Variants in CCT2 observed in about 807,000 individuals in gnomAD.
The protein encoded by CCT2 is chaperonin containing TCP1 subunit 2, also known as T-complex protein 1 subunit beta.
Under a neutral mutation model 61.8 loss-of-function variants are expected in CCT2, and 18 were observed. The observed-to-expected ratio is 0.29, with a 90% CI of 0.20 to 0.43. The LOEUF (loss-of-function observed/expected upper bound fraction) is 0.43, where lower values mean the gene tolerates loss of function less well. Among genes scored for constraint, CCT2 ranks in the 20% least tolerant of loss-of-function variants. The pLI is 1.00. For missense variants in CCT2, 556 were observed against 656.9 expected (o/e 0.85, Z 1.68); for synonymous variants, 248 against 215.9 (o/e 1.15, Z -1.30).
intron 9 of CCT2, 50 bp from the exon 10 acceptor site, chr12:69,593,460 T>G (rs1881897021): frequency 1.6e-6 from 2 of 1,227,946 alleles, no homozygotes; most frequent in East Asian, 4.7e-5. Flanking sequence ...CTAATGTAGT[T>G]TATCTTGTAA....
chr12:69,594,380 GC>G (rs1191840300), intron 10 of CCT2, among the ~76,000 whole-genome samples: 8 of 152,074 alleles, frequency 5.3e-5, no homozygotes, highest in Non-Finnish European at 1.0e-4. Context: ...CTGAAACATT[GC>G]TTTTGTTAAT....
chr12:69,589,282 C>CT (rs3841585), intron 6 of CCT2: 3,477 of 532,302 alleles, frequency 6.5e-3, no homozygotes, highest in Non-Finnish European at 8.0e-3. Context: ...CCCCACCCCT[C>CT]TTTTTTTTTT....
At chr12:69,597,496 A>G (rs1423835375) in intron 11 of CCT2, 142 bp from the exon 12 acceptor site, 3 of 1,053,138 alleles carry the variant, frequency 2.8e-6, no homozygotes, top group African/African-American at 1.6e-5. Flanking sequence ...ACTTAGAACC[A>G]TTATGAGCCT....
At chr12:69,588,114 C>T (rs552975145) in intron 5 of CCT2, 36 bp from the exon 6 acceptor site, 1 of 1,567,706 alleles carries the variant, frequency 6.4e-7, no homozygotes, top group Non-Finnish European at 8.8e-7. Flanking sequence ...TAATAATTTT[C>T]TATTTATAAC....
chr12:69,586,947 C>G, intron 3 of CCT2, 129 bp downstream of exon 3: 1 of 575,970 alleles, frequency 1.7e-6, no homozygotes, highest in Non-Finnish European at 2.9e-6. Flanking sequence ...GTATGTTCTC[C>G]TTAGTAAAAA....
chr12:69,586,868 G>T, intron 3 of CCT2, 50 bp downstream of exon 3: 2 of 1,089,564 alleles, frequency 1.8e-6, no homozygotes, highest in Non-Finnish European at 2.7e-6. Context: ...TAGAGCGCTT[G>T]GTGGAAATAT....
intron 14 of CCT2, 96 bp from the exon 15 acceptor site, chr12:69,599,767 A>G: frequency 5.8e-6 from 6 of 1,039,710 alleles, no homozygotes; most frequent in Non-Finnish European, 8.2e-6. Flanking sequence ...GGGTGTCCTA[A>G]TTTTATTAAT....
Position 69,593,034 on chromosome 12 carries a change from C to G in CCT2, c.809C>G (p.Ala270Gly), listed in dbSNP as rs369840085. Residue 270 changes from alanine (A) to glycine (G), a missense_variant, in exon 9 of 16, where the codon GCG becomes GGG. Transcript: ENST00000299300. ...GCAAAGGTTGCAGAAATAGAACATG[C>G]GGAAAAGGAAAAAATGAAGGAGAAA... ...STAKVAEIEHAEKEKMKEKVE... is the reference protein window; with the variant it reads ...STAKVAEIEHGEKEKMKEKVE... 6.2e-7 allele frequency: 1 copy of G among 1,612,252 alleles called. No individual in the cohort carries two copies. Among genetic ancestry groups the G allele is most frequent in the Non-Finnish European group, 8.5e-7 (1 of 1,178,820 alleles).
At chr12:69,590,864 G>GTGCCA (rs2135852818) in intron 7 of CCT2, among the ~76,000 whole-genome samples, 1 of 152,134 alleles carries the variant, frequency 6.6e-6, no homozygotes, top group African/African-American at 2.4e-5. Flanking sequence ...TTACAGGCGT[G>GTGCCA]TGCCACCATG....
chr12:69,593,473 G>A, intron 9 of CCT2, 37 bp from the exon 10 acceptor site: 1 of 1,336,868 alleles, frequency 7.5e-7, no homozygotes, highest in Non-Finnish European at 1.1e-6. Context: ...TCTTGTAACA[G>A]TTGTGAGCAT....
At position 69,588,256 on chromosome 12, in the gene CCT2, A is replaced by C; in HGVS notation, c.440A>C (p.Asp147Ala). Residue 147 changes from aspartate to alanine, a missense_variant, in exon 6 of 16, where the codon GAT becomes GCT. Physicochemically the swap from Asp to Ala is moderately radical, Grantham distance 126. This residue lies in a region of CCT2 where 308 missense variants were observed against 350.6 expected (regional missense o/e 0.88). Coordinates refer to ENST00000299300, the MANE Select transcript of CCT2 (RefSeq NM_006431.3). ...AREALLSSAVDHGSDEVKFRQ... is the reference protein window; with the variant it reads ...AREALLSSAVAHGSDEVKFRQ... ...GAGGCGCTGTTGAGTTCTGCAGTTGATCATGGGTTTGTATAGCAAAGTACT... is the reference window on the plus strand; with the variant it reads ...GAGGCGCTGTTGAGTTCTGCAGTTGCTCATGGGTTTGTATAGCAAAGTACT... 6.2e-7 allele frequency: 1 copy of C among 1,610,830 alleles called. No homozygotes were observed. The highest frequency in any genetic ancestry group is 8.5e-7 in the Non-Finnish European group (1 of 1,176,948).
At chr12:69,599,398 A>AT (rs1882085925) in intron 14 of CCT2, among the ~76,000 whole-genome samples, 1 of 148,580 alleles carries the variant, frequency 6.7e-6, no homozygotes, top group South Asian at 2.1e-4. Context: ...TTATTTATTT[A>AT]TTTTTTGAGA....
chr12:69,587,188 C>T (rs1042672351), intron 3 of CCT2: 10 of 332,986 alleles, frequency 3.0e-5, no homozygotes, highest in African/African-American at 1.7e-4. Flanking sequence ...TAACACTGCC[C>T]CTTTAACTGT....
chr12:69,599,696 T>G (rs1055743638), intron 14 of CCT2, 167 bp from the exon 15 acceptor site: 76 of 487,372 alleles, frequency 1.6e-4, no homozygotes, highest in African/African-American at 1.3e-3. Flanking sequence ...CCCTTTTAAT[T>G]TTTTTAAAGG....
Position 69,586,362 on chromosome 12 carries a change from C to T in CCT2, c.78+18C>T. On this transcript the variant is annotated intron_variant, in intron 2 of 15. Coordinates refer to ENST00000299300, the MANE Select transcript of CCT2 (RefSeq NM_006431.3). ...CTCGTCTGGTAAGCCTTGTTCTAAG[C>T]ATTGTTTTAAAGATAAAACTGGAGG... The T allele has an allele frequency of 5.1e-6, 8 of 1,569,470 alleles. No individual in the cohort carries two copies. Among genetic ancestry groups the T allele is most frequent in the Non-Finnish European group, 7.0e-6 (8 of 1,140,188 alleles).
chr12:69,599,783 T>G, intron 14 of CCT2, 80 bp from the exon 15 acceptor site: 1 of 1,187,900 alleles, frequency 8.4e-7, no homozygotes, highest in Non-Finnish European at 1.2e-6. Context: ...TTAATAGGAT[T>G]AATTTTTATT....
intron 6 of CCT2, 191 bp from the exon 7 acceptor site, chr12:69,589,292 TGG>T: frequency 3.9e-6 from 2 of 518,778 alleles, no homozygotes; most frequent in African/African-American, 2.1e-5. Flanking sequence ...CTTTTTTTTT[TGG>T]CATTTTGCCA....
At position 69,599,981 on chromosome 12, in the gene CCT2, C is replaced by T. The variant is rs1343751363; in HGVS notation, c.1554C>T (p.Asp518=). The part of the protein sequence containing the change: ...AEAAEVILRV[D]NIIKAAPRKR... ...CAGCAGAGGTGATTCTGCGTGTGGA[C>T]AACATCATCAAAGCGGCACCCAGGT... The change falls in exon 15 of 16, where the codon GAC becomes GAT. Residue 518 remains aspartate (D), a synonymous_variant. Coordinates refer to ENST00000299300, the MANE Select transcript of CCT2 (RefSeq NM_006431.3). 6.2e-7 allele frequency: 1 copy of T among 1,612,250 alleles called. No individual in the cohort carries two copies. Among genetic ancestry groups the T allele is most frequent in the Non-Finnish European group, 8.5e-7 (1 of 1,179,278 alleles).
intron 8 of CCT2, 191 bp from the exon 9 acceptor site, chr12:69,592,785 G>C: frequency 2.3e-6 from 1 of 427,258 alleles, no homozygotes; most frequent in Non-Finnish European, 4.2e-6. Context: ...AAAATTAGCT[G>C]GGTGTGGTGG....
Sources: allele counts gnomAD v4.1 joint callset (sites outside exome capture counted in the v4.1 genomes callset), GRCh38; gene constraint gnomAD v4.1.1; regional missense constraint gnomAD v4.1.1; transcripts MANE v1.5; gene names NCBI Gene and HGNC (gene_info 2026-07-23, HGNC 2026-07-21).